The following MGMT variants were observed in gnomAD, a reference collection of about 807,000 sequenced individuals.
The protein encoded by MGMT is methylated-DNA--protein-cysteine methyltransferase.
Under a neutral mutation model 15.9 loss-of-function variants are expected in MGMT, and 14 were observed. That is an observed-to-expected ratio of 0.88 (90% CI 0.58 to 1.37). The LOEUF (loss-of-function observed/expected upper bound fraction) is 1.37, where lower values mean the gene tolerates loss of function less well. Ranked by LOEUF, MGMT falls within the 40% of genes most tolerant of loss-of-function variation. The pLI is 0.00. For missense variants in MGMT, 282 were observed against 268.1 expected, an observed-to-expected ratio of 1.05 and a Z score of -0.36; for synonymous variants, 130 against 118.2, an observed-to-expected ratio of 1.10 and a Z score of -0.65.
chr10:129,616,469 G>C (rs1185663800), intron 2 of MGMT, among the ~76,000 whole-genome samples: 2 of 152,142 alleles, frequency 1.3e-5, no homozygotes, highest in Non-Finnish European at 2.9e-5. Context: ...CTTAGTGCCA[G>C]GGCCTGCAAA....
intron 2 of MGMT, among the ~76,000 whole-genome samples, chr10:129,540,720 C>A (rs1451082825): frequency 6.6e-6 from 1 of 152,176 alleles, no homozygotes; most frequent in African/African-American, 2.4e-5. Context: ...GAAGCATTCC[C>A]TCTTCTATTT....
chr10:129,558,317 C>G (rs1015208457), intron 2 of MGMT, among the ~76,000 whole-genome samples: 1 of 152,098 alleles, frequency 6.6e-6, no homozygotes, highest in South Asian at 2.1e-4. Flanking sequence ...TCTAATAGTA[C>G]GATGAACCAC....
intron 2 of MGMT, among the ~76,000 whole-genome samples, chr10:129,706,446 A>G (rs1211916829): frequency 6.6e-6 from 1 of 152,226 alleles, no homozygotes; most frequent in East Asian, 1.9e-4. Flanking sequence ...CAGCCCAGGA[A>G]GGAAGGGTGA....
chr10:129,604,367 GA>G (rs952780143), intron 2 of MGMT, among the ~76,000 whole-genome samples: 3 of 151,426 alleles, frequency 2.0e-5, no homozygotes, highest in African/African-American at 7.3e-5. Context: ...TTTATCTTCT[GA>G]AAAAAAAATT....
intron 2 of MGMT, among the ~76,000 whole-genome samples, chr10:129,667,850 T>C (rs967189927): frequency 6.6e-6 from 1 of 152,244 alleles, no homozygotes; most frequent in African/African-American, 2.4e-5. Context: ...TAATGACTAA[T>C]GTGGTTGAAT....
intron 1 of MGMT, among the ~76,000 whole-genome samples, chr10:129,474,087 A>G (rs1845262743): frequency 6.6e-6 from 1 of 152,192 alleles, no homozygotes; most frequent in Non-Finnish European, 1.5e-5. Flanking sequence ...GGATGCGGGT[A>G]CATTTGGGGA....
intron 2 of MGMT, among the ~76,000 whole-genome samples, chr10:129,541,172 G>A (rs1010176335): frequency 8.5e-5 from 13 of 152,348 alleles, no homozygotes; most frequent in African/African-American, 2.4e-4. Flanking sequence ...GTGTGGCTTC[G>A]CACGGGGACC....
At chr10:129,538,278 C>T (rs969109863) in intron 2 of MGMT, among the ~76,000 whole-genome samples, 2 of 152,230 alleles carry the variant, frequency 1.3e-5, no homozygotes, top group Middle Eastern at 3.4e-3. Flanking sequence ...CAGAAAATTC[C>T]CTTGTGCCCC....
At chr10:129,514,042 C>CT (rs1845712261) in intron 1 of MGMT, among the ~76,000 whole-genome samples, 1 of 152,138 alleles carries the variant, frequency 6.6e-6, no homozygotes, top group Admixed American at 6.5e-5. Context: ...TTCAGGCTAC[C>CT]TTTGAAATGA....
chr10:129,738,311 G>T (rs548038723), intron 3 of MGMT, among the ~76,000 whole-genome samples: 1 of 152,200 alleles, frequency 6.6e-6, no homozygotes, highest in African/African-American at 2.4e-5. Flanking sequence ...GGAGTGACCC[G>T]ATTTTCCAGG....
At chr10:129,477,949 A>G (rs1845314021) in intron 1 of MGMT, among the ~76,000 whole-genome samples, 1 of 152,222 alleles carries the variant, frequency 6.6e-6, no homozygotes, top group Non-Finnish European at 1.5e-5. Context: ...AAAAGATATG[A>G]GTGTATTGCA....
chr10:129,491,687 C>T (rs1259131420), intron 1 of MGMT, among the ~76,000 whole-genome samples: 2 of 152,132 alleles, frequency 1.3e-5, no homozygotes, highest in African/African-American at 4.8e-5. Context: ...TGGCAGATCA[C>T]GGACCTTGTT....
chr10:129,615,736 G>A (rs1847017635), intron 2 of MGMT, among the ~76,000 whole-genome samples: 1 of 152,150 alleles, frequency 6.6e-6, no homozygotes. Flanking sequence ...TATACCAAGT[G>A]GCACTCATCC....
chr10:129,596,552 T>C (rs559394779), intron 2 of MGMT, among the ~76,000 whole-genome samples: 112 of 152,324 alleles, frequency 7.4e-4, no homozygotes, highest in Non-Finnish European at 9.1e-4. Context: ...GCAGTCCTGC[T>C]GCACCTGGGC....
At chr10:129,576,618 A>C (rs1846486102) in intron 2 of MGMT, among the ~76,000 whole-genome samples, 1 of 152,224 alleles carries the variant, frequency 6.6e-6, no homozygotes, top group African/African-American at 2.4e-5. Context: ...CCCTTTGAAA[A>C]CTGGCACAAG....
At position 129,683,452 on chromosome 10, in the gene MGMT, A is replaced by G. The variant is rs557578090; in HGVS notation, c.126-24443A>G. Among the ~76,000 whole-genome samples the G allele has an allele frequency of 5.3e-5, 8 of 152,344 alleles. No individual in the cohort carries two copies. The South Asian group carries it at 1.5e-3, about 28-fold the overall frequency. On this transcript the variant is annotated intron_variant, in intron 2 of 4. Coordinates refer to ENST00000651593, the MANE Select transcript of MGMT (RefSeq NM_002412.5). The stretch of plus-strand genomic sequence containing the variant: ...ATAAAAAATTGGTTAAGAATAGCCA[A>G]AGAGAAAATGCCCGGGTGAGTGCTA...
intron 2 of MGMT, among the ~76,000 whole-genome samples, chr10:129,647,116 G>T (rs184827887): frequency 6.6e-6 from 1 of 152,010 alleles, no homozygotes; most frequent in Non-Finnish European, 1.5e-5. Flanking sequence ...TAGCCCCCAC[G>T]CCAAGTCCCA....
intron 1 of MGMT, among the ~76,000 whole-genome samples, chr10:129,501,486 T>C (rs1845574209): frequency 6.6e-6 from 1 of 152,200 alleles, no homozygotes; most frequent in South Asian, 2.1e-4. Flanking sequence ...TGTTTCAGAG[T>C]CACAGAGATT....
In MGMT at chr10:129,752,894, TCTGC is replaced by T. The variant is rs750483734; in HGVS notation, c.275-6303_275-6300del. Reference sequence around the variant, plus strand: ...TTCCATATACTTACATTTTTCTTACTCTGCCTGCATTCCTGATGTTCCAAGCTTC... The same window carrying T: ...TTCCATATACTTACATTTTTCTTACTCTGCATTCCTGATGTTCCAAGCTTC... On this transcript the variant is annotated intron_variant, in intron 3 of 4. Transcript: ENST00000651593. Among the ~76,000 whole-genome samples, 5 of 152,294 alleles carry T rather than the reference TCTGC, an allele frequency of 3.3e-5. No homozygotes were observed. The East Asian group carries it at 5.8e-4, about 18-fold the overall frequency.
Sources: gnomAD v4.1 joint callset for allele counts (sites outside exome capture counted in the v4.1 genomes callset) on GRCh38, gnomAD v4.1.1 for gene constraint, MANE v1.5 for transcripts, NCBI Gene and HGNC (gene_info 2026-07-23, HGNC 2026-07-21) for gene names.